Variants in CGB7 observed in about 807,000 individuals in gnomAD.
CGB7 encodes choriogonadotropin subunit beta 7.
CGB7 carries 6 observed loss-of-function variants against 7.3 expected under a neutral mutation model. That is an observed-to-expected ratio of 0.82 (90% CI 0.45 to 1.62). CGB7 has a LOEUF of 1.62. CGB7 is among the 40% of genes most tolerant of loss of function. The probability of loss-of-function intolerance (pLI) is 0.01; values close to 1 mark genes in which losing one functional copy is unlikely to be tolerated. For synonymous variants in CGB7, 47 were observed against 100.8 expected (o/e 0.47, Z 3.20); for missense variants, 114 against 236.2 (o/e 0.48, Z 3.39).
chr19:49,055,247 G>T, intron 3 of CGB7, 114 bp downstream of exon 3: 4 of 1,603,852 alleles, frequency 2.5e-6, no homozygotes, highest in Middle Eastern at 2.2e-4. Flanking sequence ...CTTATTGGGG[G>T]TCACGCTCCT....
In CGB7 at chr19:49,055,451, T is replaced by C. The variant is rs1033097466; in HGVS notation, c.-76A>G. ...GGGGGCGTCAAGGCCACCAGGAGGTTGTAGGATGCTGGAGTGAGCTGGACA... is the reference window on the plus strand; with the variant it reads ...GGGGGCGTCAAGGCCACCAGGAGGTCGTAGGATGCTGGAGTGAGCTGGACA... On this transcript the variant is annotated 5_prime_UTR_variant, in exon 3 of 5. Coordinates refer to ENST00000684222, the MANE Select transcript of CGB7 (RefSeq NM_001385261.1). 4 of 1,607,554 alleles carry C rather than the reference T, an allele frequency of 2.5e-6. No individual in the cohort carries two copies. In the African/African-American group the frequency reaches 4.0e-5, roughly 16 times the overall value.
intron 1 of CGB7, 28 bp from the exon 2 acceptor site, chr19:49,057,276 C>A: frequency 6.6e-7 from 1 of 1,522,968 alleles, no homozygotes; most frequent in African/African-American, 1.4e-5. Context: ...AGGAGGCATA[C>A]CCAAGACATA....
intron 2 of CGB7, 39 bp downstream of exon 2, chr19:49,057,082 G>A (rs1227867089): frequency 2.3e-5 from 35 of 1,524,906 alleles, no homozygotes; most frequent in Non-Finnish European, 3.1e-5. Flanking sequence ...CATGGCGGGG[G>A]CTGTGCAGGA....
Position 49,056,297 on chromosome 19 carries a change from G to T in CGB7, c.-922C>A. The stretch of plus-strand genomic sequence containing the variant: ...CACTAGCCCCGGCTTACAGCGGCCT[G>T]AGCGGGAGTTCTCGGTGCTGTAGGC... On this transcript the variant is annotated 5_prime_UTR_variant, in exon 3 of 5. It introduces an in-frame stop codon into an upstream open reading frame of the 5' UTR. Transcript: ENST00000684222. 3.1e-6 allele frequency: 4 copies of T among 1,292,570 alleles called. No individual in the cohort carries two copies. In the South Asian group the frequency reaches 3.7e-5, roughly 12 times the overall value. 80.1% of individuals were successfully genotyped at this position (1,292,570 alleles called of 1,614,324 possible). A position where few individuals can be genotyped will look rare whatever the true frequency, so the allele number is the denominator to read the frequency against.
Position 49,055,521 on chromosome 19 carries a change from A to T in CGB7, c.-146T>A. The T allele has an allele frequency of 6.3e-7, 1 of 1,588,640 alleles. No homozygotes were observed. The highest frequency in any genetic ancestry group is 8.6e-7 in the Non-Finnish European group (1 of 1,166,132). On this transcript the variant is annotated 5_prime_UTR_variant, in exon 3 of 5. Transcript: ENST00000684222. ...GAAGTAGACAAGGCCAGGGAGGCAC[A>T]GGAGTGGCTCAGCGGAGCACCCCAG...
Position 49,056,236 on chromosome 19 carries a change from G to T in CGB7, c.-861C>A, listed in dbSNP as rs543972484. 21 of 1,288,426 alleles carry T rather than the reference G, an allele frequency of 1.6e-5. No individual in the cohort carries two copies. The East Asian group carries it at 1.1e-3, about 65-fold the overall frequency. 79.8% of individuals were successfully genotyped at this position (1,288,426 alleles called of 1,614,324 possible). On this transcript the variant is annotated 5_prime_UTR_variant, in exon 3 of 5. Transcript: ENST00000684222. ...AGCTCTGCTCCGCCCCCACGCCAGG[G>T]GGCGTGTCTGGGGTGGGGCTGGCCC...
Position 49,056,387 on chromosome 19 carries a change from G to A in CGB7, c.-1012C>T. Reference sequence around the variant, plus strand: ...GGGGCCACCCCAAGTCGCCTCCAGCGGGCGGAAGCGGTCGAGCCGGCGGAG... The same window carrying A: ...GGGGCCACCCCAAGTCGCCTCCAGCAGGCGGAAGCGGTCGAGCCGGCGGAG... On this transcript the variant is annotated 5_prime_UTR_variant, in exon 3 of 5. Coordinates refer to ENST00000684222, the MANE Select transcript of CGB7 (RefSeq NM_001385261.1). The A allele has an allele frequency of 5.4e-6, 7 of 1,295,630 alleles. No homozygotes were observed. Among genetic ancestry groups the A allele is most frequent in the Non-Finnish European group, 7.1e-6 (7 of 992,442 alleles). 80.3% of individuals were successfully genotyped at this position (1,295,630 alleles called of 1,614,324 possible). A position where few individuals can be genotyped will look rare whatever the true frequency, so the allele number is the denominator to read the frequency against.
rs1460818889 is a variant in CGB7 at position 49,056,079 on chromosome 19, C to G, written c.-704G>C. On this transcript the variant is annotated 5_prime_UTR_variant, in exon 3 of 5. Transcript: ENST00000684222. ...GCAGCCTCGGAGGACATTGTCTGGA[C>G]TTAGTCCCTTCCCCGCGATCCAGCC... 8.5e-7 allele frequency: 1 copy of G among 1,181,708 alleles called. No individual in the cohort carries two copies. Among genetic ancestry groups the G allele is most frequent in the South Asian group, 1.6e-5 (1 of 62,580 alleles). The allele number at this position is 1,181,708 out of a possible 1,614,324, so 73.2% of individuals were successfully genotyped here. A position where few individuals can be genotyped will look rare whatever the true frequency, so the allele number is the denominator to read the frequency against.
At position 49,055,795 on chromosome 19, in the gene CGB7, A is replaced by C. The variant is rs147980158; in HGVS notation, c.-420T>G. ...CATTCCTGCACCACAGTCCAACCTA[A>C]CAGGAGGGGCGCGGCTTCGGACTTA... On this transcript the variant is annotated 5_prime_UTR_variant, in exon 3 of 5. Coordinates refer to ENST00000684222, the MANE Select transcript of CGB7 (RefSeq NM_001385261.1). 7,265 of 1,100,008 alleles carry C rather than the reference A, an allele frequency of 6.6e-3. 224 individuals carry two copies. In the African/African-American group the frequency reaches 0.069, roughly 10 times the overall value. The allele number at this position is 1,100,008 out of a possible 1,614,324, so 68.1% of individuals were successfully genotyped here.
Position 49,057,025 on chromosome 19 carries a change from A to G in CGB7, c.-1221+96T>C, listed in dbSNP as rs574232455. On this transcript the variant is annotated intron_variant, in intron 2 of 4. Coordinates refer to ENST00000684222, the MANE Select transcript of CGB7 (RefSeq NM_001385261.1). ...TGCTATAGGAGTCGAGACTGAGACC[A>G]CCGGTCAGGGAATGGGAGCCAGCCC... The G allele has an allele frequency of 1.4e-4, 189 of 1,322,000 alleles. No individual in the cohort carries two copies. In the African/African-American group the frequency reaches 2.4e-3, roughly 17 times the overall value. 81.9% of individuals were successfully genotyped at this position (1,322,000 alleles called of 1,614,324 possible).
At chr19:49,057,040 G>T in intron 2 of CGB7, 81 bp downstream of exon 2, 1 of 1,437,544 alleles carries the variant, frequency 7.0e-7, no homozygotes, top group Admixed American at 2.0e-5. Flanking sequence ...TCAGGGAATG[G>T]GAGCCAGCCC....
intron 3 of CGB7, 53 bp downstream of exon 3, chr19:49,055,308 C>A (rs374636482): frequency 3.1e-6 from 5 of 1,608,692 alleles, no homozygotes; most frequent in African/African-American, 2.7e-5. Flanking sequence ...CCTTCTCATG[C>A]CAGTGATGGC....
At position 49,055,966 on chromosome 19, in the gene CGB7, C is replaced by G. The variant is rs1267357373; in HGVS notation, c.-591G>C. On this transcript the variant is annotated 5_prime_UTR_variant, in exon 3 of 5. Transcript: ENST00000684222. ...CACCCTACCCTCAAGCCAGGATGCC[C>G]GGAGCGGTCCCCGGAAATGCGTGTG... 2 of 1,113,698 alleles carry G rather than the reference C, an allele frequency of 1.8e-6. No homozygotes were observed. The highest frequency in any genetic ancestry group is 2.2e-6 in the Non-Finnish European group (2 of 902,424). 69.0% of individuals were successfully genotyped at this position (1,113,698 alleles called of 1,614,324 possible).
chr19:49,055,619 G>T lies in CGB7; in HGVS notation c.-244C>A. On this transcript the variant is annotated 5_prime_UTR_variant, in exon 3 of 5. Coordinates refer to ENST00000684222, the MANE Select transcript of CGB7 (RefSeq NM_001385261.1). ...GTGAAGTGACCTCTGAGACTCAGTC[G>T]TCGAGTGCTAGGGACTAGTCGAGGC... 2 of 1,438,880 alleles carry T rather than the reference G, an allele frequency of 1.4e-6. No homozygotes were observed. Among genetic ancestry groups the T allele is most frequent in the East Asian group, 2.5e-5 (1 of 39,684 alleles). The allele number at this position is 1,438,880 out of a possible 1,614,324, so 89.1% of individuals were successfully genotyped here. A position where few individuals can be genotyped will look rare whatever the true frequency, so the allele number is the denominator to read the frequency against.
rs1364275751 is a variant in CGB7, at chr19:49,057,448, C to A, written c.-1349+14G>T. ...CAGCTTCCTTTCTCATACCCGAACC[C>A]TTCCCAGCCTCACCTCCCTAAATCC... On this transcript the variant is annotated intron_variant, in intron 1 of 4. Transcript: ENST00000684222. The A allele has an allele frequency of 1.0e-5, 14 of 1,336,264 alleles. No individual in the cohort carries two copies. The highest frequency in any genetic ancestry group is 1.2e-5 in the Non-Finnish European group (12 of 1,039,138). The allele number at this position is 1,336,264 out of a possible 1,614,324, so 82.8% of individuals were successfully genotyped here.
At chr19:49,057,093 G>C in intron 2 of CGB7, 28 bp downstream of exon 2, 1 of 1,530,310 alleles carries the variant, frequency 6.5e-7, no homozygotes, top group Non-Finnish European at 8.7e-7. Context: ...CTGTGCAGGA[G>C]GCGGTGCCGA....
intron 3 of CGB7, 118 bp from the exon 4 acceptor site, chr19:49,055,126 T>G (rs1226683451): frequency 6.4e-7 from 1 of 1,572,420 alleles, no homozygotes; most frequent in East Asian, 2.2e-5. Flanking sequence ...CATCTCCTAT[T>G]CAGGACCCAC....
In CGB7 at chr19:49,054,430, C is replaced by T; in HGVS notation, c.359G>A (p.Cys120Tyr). ...CALCRRSTTDCGGPKDHPLTC... is the reference protein window; with the variant it reads ...CALCRRSTTDYGGPKDHPLTC... ...CAAGGGGTGGTCCTTGGGACCCCCG[C>T]AGTCAGTGGTGCTGCGGCGGCAGAG... Residue 120 changes from cysteine to tyrosine, a missense_variant, in exon 5 of 5, where the codon TGC becomes TAC. Physicochemically the swap from Cys to Tyr is radical, Grantham distance 194. Coordinates refer to ENST00000684222, the MANE Select transcript of CGB7 (RefSeq NM_001385261.1). The T allele has an allele frequency of 1.9e-6, 3 of 1,597,050 alleles. No homozygotes were observed. The highest frequency in any genetic ancestry group is 2.6e-6 in the Non-Finnish European group (3 of 1,172,460).
Position 49,054,842 on chromosome 19 carries a change from A to C in CGB7, c.182T>G (p.Met61Arg), listed in dbSNP as rs1264302837. Residue 61 changes from methionine to arginine, a missense_variant and splice_region_variant, in exon 4 of 5, where the codon ATG becomes AGG. Coordinates refer to ENST00000684222, the MANE Select transcript of CGB7 (RefSeq NM_001385261.1). ...TTICAGYCPT[M>R]TRVLQGVLPA... is the part of the protein sequence containing the mutation. Reference sequence around the variant, plus strand: ...CTGCCCGGGCCCCGGGCAGCTCACCATGGTGGGGCAGTAGCCGGCACAGAT... The same window carrying C: ...CTGCCCGGGCCCCGGGCAGCTCACCCTGGTGGGGCAGTAGCCGGCACAGAT... 6.3e-7 allele frequency: 1 copy of C among 1,582,742 alleles called. No individual in the cohort carries two copies. Among genetic ancestry groups the C allele is most frequent in the Non-Finnish European group, 8.5e-7 (1 of 1,171,762 alleles).
Sources: gnomAD v4.1 joint callset for allele counts on GRCh38, gnomAD v4.1.1 for gene constraint, MANE v1.5 for transcripts, NCBI Gene and HGNC (gene_info 2026-07-23, HGNC 2026-07-21) for gene names.